DPP6: variants seen among roughly 807,000 people sequenced by gnomAD.
The protein encoded by DPP6 is dipeptidyl peptidase like 6.
A neutral mutation model predicts 122.6 loss-of-function variants in DPP6; 69 were observed. The observed-to-expected ratio is 0.56, with a 90% CI of 0.46 to 0.69. DPP6 has a LOEUF of 0.69. Ranked by LOEUF, DPP6 falls within the 30% of genes least tolerant of loss-of-function variation. The pLI, the probability that DPP6 is intolerant of heterozygous loss-of-function variation, is 0.00. For synonymous variants in DPP6, 418 were observed against 433.1 expected (o/e 0.97, Z 0.43); for missense variants, 928 against 1,116.9 (o/e 0.83, Z 2.41).
chr7:153,786,754 A>AG, the DPP6 span, among the ~76,000 whole-genome samples: 1 of 142,414 alleles, frequency 7.0e-6, no homozygotes, highest in East Asian at 2.0e-4. Context: ...AAAAAAAAAA[A>AG]AAAAAAAAGA....
chr7:153,962,818 A>G (rs1331766178), intron 1 of DPP6, among the ~76,000 whole-genome samples: 1 of 152,204 alleles, frequency 6.6e-6, no homozygotes, highest in Non-Finnish European at 1.5e-5. Flanking sequence ...ACATTTTAGC[A>G]GTATAAGACT....
In DPP6 at chr7:154,063,004, TC is replaced by T. The variant is rs1181074431; in HGVS notation, c.243+9948del. Among the ~76,000 whole-genome samples, 8 of 132,292 alleles carry T rather than the reference TC, an allele frequency of 6.0e-5. 1 individual carries two copies. Among genetic ancestry groups the T allele is most frequent in the Non-Finnish European group, 9.9e-5 (6 of 60,796 alleles). The allele number at this position is 132,292 out of a possible 152,430, so 86.8% of individuals were successfully genotyped here. On this transcript the variant is annotated intron_variant, in intron 1 of 25. Transcript: ENST00000377770. ...GGAATTACTGAGAGCCAGTCCCTCT[TC>T]CCCCCCTGGCTCTGAGGAACCCCAT...
At chr7:154,788,882 A>C (rs992840956) in intron 10 of DPP6, among the ~76,000 whole-genome samples, 1 of 151,986 alleles carries the variant, frequency 6.6e-6, no homozygotes, top group African/African-American at 2.4e-5. Flanking sequence ...CTTGTGGGAG[A>C]ACCTCCCACA....
At chr7:154,274,917 A>G (rs1381991695) in intron 1 of DPP6, among the ~76,000 whole-genome samples, 1 of 152,232 alleles carries the variant, frequency 6.6e-6, no homozygotes, top group Non-Finnish European at 1.5e-5. Context: ...CACTCCTCCC[A>G]GGCTCTGTCA....
intron 5 of DPP6, among the ~76,000 whole-genome samples, chr7:154,575,844 G>C (rs1831637302): frequency 6.6e-6 from 1 of 151,798 alleles, no homozygotes; most frequent in Admixed American, 6.6e-5. Context: ...TGGCTAGTGG[G>C]GGAATTGGAG....
At chr7:154,270,525 G>A (rs1803715009) in intron 1 of DPP6, among the ~76,000 whole-genome samples, 1 of 152,146 alleles carries the variant, frequency 6.6e-6, no homozygotes, top group South Asian at 2.1e-4. Context: ...GAAGTGATGT[G>A]TCCAGGTGCC....
chr7:154,480,390 G>C (rs1408922509), intron 3 of DPP6, among the ~76,000 whole-genome samples: 1 of 152,170 alleles, frequency 6.6e-6, no homozygotes, highest in African/African-American at 2.4e-5. Flanking sequence ...GTCAAGGTCA[G>C]AGATGACCTC....
intron 8 of DPP6, among the ~76,000 whole-genome samples, chr7:154,738,566 T>C (rs1563156286): frequency 1.3e-5 from 2 of 152,168 alleles, no homozygotes; most frequent in South Asian, 4.1e-4. Flanking sequence ...CTTTCTTAGA[T>C]GAAAAATTAT....
intron 1 of DPP6, among the ~76,000 whole-genome samples, chr7:154,383,108 G>T (rs192192684): frequency 6.6e-6 from 1 of 152,278 alleles, no homozygotes; most frequent in Admixed American, 6.5e-5. Context: ...ATATCAAAAT[G>T]AACCTGCTGA....
At chr7:154,192,180 C>T (rs2150767540) in intron 1 of DPP6, among the ~76,000 whole-genome samples, 1 of 152,324 alleles carries the variant, frequency 6.6e-6, no homozygotes, top group East Asian at 1.9e-4. Context: ...GAAACAAGGT[C>T]TCCGACTGAG....
intron 1 of DPP6, among the ~76,000 whole-genome samples, chr7:154,222,974 A>T (rs1800392746): frequency 6.7e-6 from 1 of 149,144 alleles, no homozygotes; most frequent in African/African-American, 2.6e-5. Context: ...AAATGTAATT[A>T]TTGTTAAAAT....
At chr7:154,662,505 G>A (rs1398994535) in intron 6 of DPP6, among the ~76,000 whole-genome samples, 4 of 38,880 alleles carry the variant, frequency 1.0e-4, no homozygotes, top group Admixed American at 2.8e-4. Context: ...TCACCATGGC[G>A]TATCGGCCGT....
the DPP6 span, among the ~76,000 whole-genome samples, chr7:153,805,555 GGT>G: frequency 3.9e-5 from 6 of 152,004 alleles, no homozygotes; most frequent in Admixed American, 3.3e-4. Context: ...TATTCCTTTG[GGT>G]ATATACCCAG....
chr7:154,620,686 T>A (rs1834585785), intron 5 of DPP6, among the ~76,000 whole-genome samples: 1 of 152,240 alleles, frequency 6.6e-6, no homozygotes, highest in South Asian at 2.1e-4. Context: ...AGAGGTGATG[T>A]TACGAGCTGT....
At chr7:154,010,733 G>A (rs1269215078) in intron 1 of DPP6, among the ~76,000 whole-genome samples, 2 of 152,182 alleles carry the variant, frequency 1.3e-5, no homozygotes, top group Non-Finnish European at 2.9e-5. Context: ...AATTTAGACT[G>A]AGATTATTGA....
In DPP6 at chr7:154,474,927, A is replaced by AT. The variant is rs1822592686; in HGVS notation, c.359-5dup. 1.2e-6 allele frequency: 2 copies of AT among 1,604,120 alleles called. No homozygotes were observed. The highest frequency in any genetic ancestry group is 1.7e-6 in the Non-Finnish European group (2 of 1,171,784). The stretch of plus-strand genomic sequence containing the variant: ...AAACAAGCTTAACTCTTTGCTTTTT[A>AT]TTTTTTTCTAGCGGAAGATAATAGT... On this transcript the variant is annotated splice_polypyrimidine_tract_variant and intron_variant, in intron 2 of 25. Transcript: ENST00000377770.
chr7:154,166,008 TG>T (rs1444923327), intron 1 of DPP6, among the ~76,000 whole-genome samples: 2 of 152,256 alleles, frequency 1.3e-5, no homozygotes, highest in African/African-American at 2.4e-5. Flanking sequence ...TGCCTTTTTT[TG>T]GTCAATTTAT....
the DPP6 span, among the ~76,000 whole-genome samples, chr7:153,872,773 C>A: frequency 1.3e-5 from 2 of 152,180 alleles, no homozygotes; most frequent in Non-Finnish European, 2.9e-5. Context: ...AGTACCAAAG[C>A]TCTGGTCCTT....
At chr7:153,824,084 A>G in the DPP6 span, among the ~76,000 whole-genome samples, 1 of 152,112 alleles carries the variant, frequency 6.6e-6, no homozygotes, top group Non-Finnish European at 1.5e-5. Context: ...TTTCTACCCT[A>G]TCACATCAGA....
Sources: allele counts gnomAD v4.1 joint callset (sites outside exome capture counted in the v4.1 genomes callset), GRCh38; gene constraint gnomAD v4.1.1; transcripts MANE v1.5; gene names NCBI Gene and HGNC (gene_info 2026-07-23, HGNC 2026-07-21).